Variants in ARK2N observed in about 807,000 individuals in gnomAD.
ARK2N encodes the protein protein ARK2N.
chr18:46,214,982 A>G, the ARK2N span, among the ~76,000 whole-genome samples: 1 of 152,130 alleles, frequency 6.6e-6, no homozygotes, highest in Non-Finnish European at 1.5e-5. Flanking sequence ...TCATTTGCCA[A>G]ATGCATGTAG....
the ARK2N span, among the ~76,000 whole-genome samples, chr18:46,180,596 C>CCT: frequency 6.6e-6 from 1 of 152,082 alleles, no homozygotes; most frequent in Non-Finnish European, 1.5e-5. Context: ...ATCCCAGCTA[C>CCT]CCAGGAGGCT....
chr18:46,260,918 C>G, the ARK2N span, among the ~76,000 whole-genome samples: 1 of 152,152 alleles, frequency 6.6e-6, no homozygotes, highest in African/African-American at 2.4e-5. Context: ...CAGATTAGAT[C>G]AGATTTTTTA....
chr18:46,201,696 C>T, the ARK2N span, among the ~76,000 whole-genome samples: 1 of 152,042 alleles, frequency 6.6e-6, no homozygotes, highest in Non-Finnish European at 1.5e-5. Context: ...CCCTAGATCT[C>T]CCTTTCACTA....
At chr18:46,178,349 G>A in the ARK2N span, among the ~76,000 whole-genome samples, 3 of 152,172 alleles carry the variant, frequency 2.0e-5, no homozygotes, top group Admixed American at 6.5e-5. Context: ...GTCTCACTGC[G>A]ATGCCCAGGC....
At chr18:46,244,393 C>T in the ARK2N span, among the ~76,000 whole-genome samples, 1 of 151,982 alleles carries the variant, frequency 6.6e-6, no homozygotes, top group Non-Finnish European at 1.5e-5. Context: ...TGAGCATTTT[C>T]CCCATCCTTA....
chr18:46,235,999 A>T, the ARK2N span, among the ~76,000 whole-genome samples: 2 of 152,216 alleles, frequency 1.3e-5, no homozygotes, highest in Non-Finnish European at 2.9e-5. Flanking sequence ...TATCAGGAAT[A>T]TGTGACAACA....
the ARK2N span, among the ~76,000 whole-genome samples, chr18:46,246,644 G>GATAAGAACAGACCCCAGGCCAGGGCCT: frequency 1.3e-5 from 2 of 151,142 alleles, no homozygotes; most frequent in African/African-American, 4.9e-5. Context: ...AAGCATTACA[G>GATAAGAACAGACCCCAGGCCAGGGCCT]ATAAGAGCAG....
At chr18:46,229,529 A>G in the ARK2N span, among the ~76,000 whole-genome samples, 4 of 151,736 alleles carry the variant, frequency 2.6e-5, no homozygotes, top group Non-Finnish European at 5.9e-5. Context: ...TTGTATTTTT[A>G]GTAGAGACAG....
At chr18:46,240,110 G>T in the ARK2N span, 1 of 1,614,216 alleles carries the variant, frequency 6.2e-7, no homozygotes, top group East Asian at 2.2e-5. Context: ...CAAGAGCACA[G>T]TAATTCTGTA....
chr18:46,225,978 AATAGGTAG>A, the ARK2N span, among the ~76,000 whole-genome samples: 1 of 152,170 alleles, frequency 6.6e-6, no homozygotes, highest in African/African-American at 2.4e-5. Flanking sequence ...AGTGAACCCA[AATAGGTAG>A]ATGGTTAATT....
At chr18:46,235,586 A>G in the ARK2N span, among the ~76,000 whole-genome samples, 4 of 152,250 alleles carry the variant, frequency 2.6e-5, no homozygotes, top group Non-Finnish European at 5.9e-5. Flanking sequence ...CTATGTAGCT[A>G]AGAGAGAGTA....
At chr18:46,179,180 G>A in the ARK2N span, among the ~76,000 whole-genome samples, 3 of 152,064 alleles carry the variant, frequency 2.0e-5, no homozygotes, top group Non-Finnish European at 4.4e-5. Context: ...CTGACCTCAA[G>A]TGATCGCCCA....
chr18:46,215,797 G>T, the ARK2N span: 1 of 1,287,582 alleles, frequency 7.8e-7, no homozygotes, highest in Non-Finnish European at 1.1e-6. Flanking sequence ...TTGACTTTGT[G>T]TGTTTTTGTA....
chr18:46,248,942 C>G, the ARK2N span, among the ~76,000 whole-genome samples: 1 of 152,152 alleles, frequency 6.6e-6, no homozygotes. Context: ...GGACCAATCC[C>G]CCATCCCTTT....
the ARK2N span, chr18:46,240,115 T>G: frequency 6.2e-7 from 1 of 1,614,146 alleles, no homozygotes; most frequent in Non-Finnish European, 8.5e-7. Context: ...GCACAGTAAT[T>G]CTGTAGGCGG....
At chr18:46,198,310 CAAAAAAAAAAAAA>C in the ARK2N span, among the ~76,000 whole-genome samples, 2 of 69,148 alleles carry the variant, frequency 2.9e-5, no homozygotes, top group South Asian at 6.1e-4. Flanking sequence ...ACTCCATCTC[CAAAAAAAAAAAAA>C]AAAAAAAAAA....
chr18:46,251,484 G>A, the ARK2N span, among the ~76,000 whole-genome samples: 713 of 152,164 alleles, frequency 4.7e-3, 2 homozygotes, highest in Non-Finnish European at 8.0e-3. Context: ...CACGCAAACT[G>A]TGATATATAA....
At chr18:46,221,801 T>C in the ARK2N span, among the ~76,000 whole-genome samples, 4 of 152,134 alleles carry the variant, frequency 2.6e-5, no homozygotes, top group Admixed American at 6.6e-5. Flanking sequence ...CAAACCCACA[T>C]AGTGAATCCA....
the ARK2N span, among the ~76,000 whole-genome samples, chr18:46,258,613 TG>T: frequency 6.6e-6 from 1 of 152,194 alleles, no homozygotes; most frequent in Non-Finnish European, 1.5e-5. Flanking sequence ...ATGCAAAGTA[TG>T]GCTCTAGGTT....
Sources: gnomAD v4.1 joint callset for allele counts (sites outside exome capture counted in the v4.1 genomes callset) on GRCh38, gnomAD v4.1.1 for gene constraint, MANE v1.5 for transcripts, NCBI Gene and HGNC (gene_info 2026-07-23, HGNC 2026-07-21) for gene names.